Variants in TNKS observed in about 807,000 individuals in gnomAD.
The protein encoded by TNKS is tankyrase, also known as poly [ADP-ribose] polymerase tankyrase-1.
TNKS carries 72 observed loss-of-function variants against 135.8 expected under a neutral mutation model. The observed-to-expected ratio is 0.53, with a 90% CI of 0.44 to 0.64. TNKS has a LOEUF of 0.64. Among genes scored for constraint, TNKS ranks in the 30% least tolerant of loss-of-function variants. The pLI is 0.00. For synonymous variants in TNKS, 849 were observed against 649.3 expected, an observed-to-expected ratio of 1.31 and a Z score of -4.68; for missense variants, 1,769 against 1,674.0, an observed-to-expected ratio of 1.06 and a Z score of -0.99.
intron 3 of TNKS, among the ~76,000 whole-genome samples, chr8:9,650,811 T>G (rs1585277962): frequency 6.6e-6 from 1 of 152,356 alleles, no homozygotes; most frequent in African/African-American, 2.4e-5. Flanking sequence ...GCAGAAGATT[T>G]TTAGTTTAAT....
intron 5 of TNKS, among the ~76,000 whole-genome samples, chr8:9,701,410 C>A (rs769439091): frequency 2.6e-5 from 4 of 151,988 alleles, no homozygotes; most frequent in Non-Finnish European, 5.9e-5. Flanking sequence ...AAGATGTGAC[C>A]CTTTTTATGT....
chr8:9,588,244 A>C (rs951655932), intron 2 of TNKS, among the ~76,000 whole-genome samples: 31 of 152,146 alleles, frequency 2.0e-4, no homozygotes, highest in African/African-American at 7.0e-4. Flanking sequence ...CCACATAAAA[A>C]ATGTTTGAAA....
intron 2 of TNKS, among the ~76,000 whole-genome samples, chr8:9,582,706 T>C (rs1798214432): frequency 6.6e-6 from 1 of 152,144 alleles, no homozygotes; most frequent in Admixed American, 6.5e-5. Context: ...CTAGTACATA[T>C]AAAATATTTA....
At chr8:9,583,155 ACT>A (rs1395244659) in intron 2 of TNKS, among the ~76,000 whole-genome samples, 1 of 136,464 alleles carries the variant, frequency 7.3e-6, no homozygotes, top group East Asian at 2.2e-4. Flanking sequence ...ACAGAGCGAG[ACT>A]CTGTCTCAAA....
intron 11 of TNKS, chr8:9,710,481 A>G (rs1359360843): frequency 1.8e-6 from 1 of 569,778 alleles, no homozygotes; most frequent in Non-Finnish European, 3.1e-6. Context: ...AATAGATTTC[A>G]TCTTTACATT....
chr8:9,766,191 T>C (rs1227757769), intron 24 of TNKS, 48 bp from the exon 25 acceptor site: 2 of 1,520,028 alleles, frequency 1.3e-6, no homozygotes, highest in Non-Finnish European at 1.8e-6. Flanking sequence ...GTAATTGAGC[T>C]TCTAGAAAAG....
chr8:9,769,642 C>T (rs1308186105), intron 25 of TNKS, among the ~76,000 whole-genome samples: 6 of 99,976 alleles, frequency 6.0e-5, no homozygotes, highest in South Asian at 3.6e-4. Flanking sequence ...TTTTTTGAGA[C>T]GGAGTCTCGC....
intron 2 of TNKS, among the ~76,000 whole-genome samples, chr8:9,594,692 AATC>A (rs752748325): frequency 2.0e-5 from 3 of 152,202 alleles, no homozygotes; most frequent in South Asian, 2.1e-4. Context: ...TTTATATAGA[AATC>A]ATCATTTTTT....
chr8:9,708,450 A>G lies in TNKS; in HGVS notation c.1536A>G (p.Glu512=), dbSNP rs751842932. Residue 512 remains glutamate, a synonymous_variant, in exon 9 of 27, where the codon GAA becomes GAG. Coordinates refer to ENST00000310430, the MANE Select transcript of TNKS (RefSeq NM_003747.3). ...LAKVKKTLAL[E]IINFKQPQSH... ...AAGTTAAAAAAACACTCGCTCTGGA[A>G]ATCATTAATTTCAAACAACCGCAGT... 6.2e-7 allele frequency: 1 copy of G among 1,609,574 alleles called. No individual in the cohort carries two copies. Among genetic ancestry groups the G allele is most frequent in the Admixed American group, 1.7e-5 (1 of 59,758 alleles).
At chr8:9,762,815 G>C (rs1337419242) in intron 21 of TNKS, among the ~76,000 whole-genome samples, 1 of 151,260 alleles carries the variant, frequency 6.6e-6, no homozygotes, top group African/African-American at 2.4e-5. Context: ...TGAGGCAGGA[G>C]AATGGTGTGA....
intron 3 of TNKS, among the ~76,000 whole-genome samples, chr8:9,616,821 T>A (rs190931516): frequency 1.3e-5 from 2 of 151,976 alleles, no homozygotes; most frequent in African/African-American, 4.8e-5. Flanking sequence ...AGATAAGAAA[T>A]TTAAGTATAA....
intron 5 of TNKS, among the ~76,000 whole-genome samples, chr8:9,684,234 T>A (rs1297351061): frequency 1.3e-5 from 2 of 152,028 alleles, no homozygotes; most frequent in Non-Finnish European, 2.9e-5. Context: ...GATTTTTTGA[T>A]CTTTAATCTC....
intron 5 of TNKS, among the ~76,000 whole-genome samples, chr8:9,683,824 C>T (rs1294715104): frequency 6.6e-6 from 1 of 151,622 alleles, no homozygotes; most frequent in African/African-American, 2.4e-5. Context: ...AATTGTTTTC[C>T]TAACCTTTAG....
intron 21 of TNKS, among the ~76,000 whole-genome samples, 170 bp from the exon 22 acceptor site, chr8:9,762,977 G>C (rs529822946): frequency 6.7e-4 from 101 of 149,766 alleles, no homozygotes; most frequent in Admixed American, 1.4e-3. Flanking sequence ...CTGTCTTTGA[G>C]TATATTTGTT....
chr8:9,751,767 C>T lies in TNKS; in HGVS notation c.2991C>T (p.Gly997=). 1.2e-6 allele frequency: 2 copies of T among 1,614,180 alleles called. No individual in the cohort carries two copies. Among genetic ancestry groups the T allele is most frequent in the Non-Finnish European group, 1.7e-6 (2 of 1,180,032 alleles). Residue 997 remains glycine (G), a synonymous_variant, in exon 19 of 27, where the codon GGC becomes GGT. Transcript: ENST00000310430. ...SAASSIDNLT[G]PLAELAVGGA... ...CCAGCAGCATAGACAACCTCACTGG[C>T]CCTTTAGCAGAGTTGGCCGTAGGAG...
rs768107359 is a variant in TNKS, at chr8:9,734,924, G to A, written c.2373G>A (p.Lys791=). 1.2e-6 allele frequency: 2 copies of A among 1,614,164 alleles called. No homozygotes were observed. Among genetic ancestry groups the A allele is most frequent in the Non-Finnish European group, 1.7e-6 (2 of 1,180,016 alleles). The change falls in exon 16 of 27, where the codon AAG becomes AAA. Residue 791 remains lysine (K), a synonymous_variant. Coordinates refer to ENST00000310430, the MANE Select transcript of TNKS (RefSeq NM_003747.3). ...RDGNTPLDLV[K]EGDTDIQDLL... is the part of the protein sequence containing the mutation. ...GAAATACACCTTTGGATTTGGTAAA[G>A]GAAGGAGACACAGATATTCAGGACT...
intron 1 of TNKS, among the ~76,000 whole-genome samples, chr8:9,571,803 C>T (rs1585181101): frequency 6.6e-6 from 1 of 152,090 alleles, no homozygotes; most frequent in Admixed American, 6.5e-5. Context: ...ATTTCTTTCT[C>T]TCTGTTTGAA....
At chr8:9,754,273 C>G (rs1213361257) in intron 20 of TNKS, among the ~76,000 whole-genome samples, 1 of 152,172 alleles carries the variant, frequency 6.6e-6, no homozygotes, top group Non-Finnish European at 1.5e-5. Context: ...AAGACCTAGT[C>G]AACTTATCAG....
chr8:9,740,605 C>G (rs764811287), intron 17 of TNKS, among the ~76,000 whole-genome samples: 1 of 152,028 alleles, frequency 6.6e-6, no homozygotes, highest in Non-Finnish European at 1.5e-5. Flanking sequence ...TTGAAAGTAT[C>G]ATATTTAATG....
Sources: gnomAD v4.1 joint callset for allele counts (sites outside exome capture counted in the v4.1 genomes callset) on GRCh38, gnomAD v4.1.1 for gene constraint, MANE v1.5 for transcripts, NCBI Gene and HGNC (gene_info 2026-07-23, HGNC 2026-07-21) for gene names.